Variants in ALDH7A1 observed in about 807,000 individuals in gnomAD.
ALDH7A1 encodes alpha-aminoadipic semialdehyde dehydrogenase.
Under a neutral mutation model 79.9 loss-of-function variants are expected in ALDH7A1, and 63 were observed. The observed-to-expected ratio is 0.79, with a 90% CI of 0.64 to 0.97. The LOEUF is 0.97. Ranked by LOEUF, ALDH7A1 falls within the 50% of genes least tolerant of loss-of-function variation. The pLI, the probability that ALDH7A1 is intolerant of heterozygous loss-of-function variation, is 0.00. For synonymous variants in ALDH7A1, 240 were observed against 231.2 expected (o/e 1.04, Z -0.34); for missense variants, 627 against 665.2 (o/e 0.94, Z 0.63).
chr5:126,551,884 C>T (rs751431156), intron 14 of ALDH7A1, 137 bp downstream of exon 14: 101 of 762,626 alleles, frequency 1.3e-4, no homozygotes, highest in Admixed American at 3.9e-4. Context: ...ATATTTTATC[C>T]TGAACCTTCA....
At chr5:126,580,008 T>G in intron 5 of ALDH7A1, 1 of 166,712 alleles carries the variant, frequency 6.0e-6, no homozygotes. Flanking sequence ...TTGTTAATTG[T>G]GAGGCAGGCA....
Position 126,568,438 on chromosome 5 carries a change from GCCCTTGAAAAAGCAGT to G in ALDH7A1, c.774-98_774-83del. 4.2e-6 allele frequency: 5 copies of G among 1,185,378 alleles called. No homozygotes were observed. In the Admixed American group the frequency reaches 8.5e-5, roughly 20 times the overall value. 73.4% of individuals were successfully genotyped at this position (1,185,378 alleles called of 1,614,324 possible). A position where few individuals can be genotyped will look rare whatever the true frequency, so the allele number is the denominator to read the frequency against. ...ATCTAATGGTACCCAGCACTGAAGTGCCCTTGAAAAAGCAGTCCCTTGAAGCTACAAGAAAGTCTGT... is the reference window on the plus strand; with the variant it reads ...ATCTAATGGTACCCAGCACTGAAGTGCCCTTGAAGCTACAAGAAAGTCTGT... On this transcript the variant is annotated intron_variant, in intron 8 of 17. Transcript: ENST00000409134.
In ALDH7A1 at chr5:126,575,464, CCTT is replaced by C. The variant is rs1337742915; in HGVS notation, c.651-3_651-1del. On this transcript the variant is annotated splice_acceptor_variant and splice_polypyrimidine_tract_variant and intron_variant, in intron 6 of 17. Coordinates refer to ENST00000409134, the MANE Select transcript of ALDH7A1 (RefSeq NM_001182.5). LOFTEE classifies it high-confidence loss of function. Reference sequence around the variant, plus strand: ...TGAGGGAAGTGGTTGGAGCTCCTTTCCTTAAGAAGGTTAAAACAAAAAAAGAAA... The same window carrying C: ...TGAGGGAAGTGGTTGGAGCTCCTTTCAAGAAGGTTAAAACAAAAAAAGAAA... The C allele has an allele frequency of 1.6e-5, 26 of 1,611,858 alleles. No homozygotes were observed. The highest frequency in any genetic ancestry group is 2.1e-5 in the Non-Finnish European group (25 of 1,179,328).
chr5:126,585,707 G>A (rs573165713), intron 3 of ALDH7A1, among the ~76,000 whole-genome samples: 8 of 152,090 alleles, frequency 5.3e-5, no homozygotes, highest in South Asian at 2.1e-4. Context: ...CATTACAGGC[G>A]CCTGCCACCA....
chr5:126,580,898 C>T (rs1229637512), intron 5 of ALDH7A1, among the ~76,000 whole-genome samples: 2 of 151,778 alleles, frequency 1.3e-5, no homozygotes, highest in East Asian at 3.9e-4. Context: ...GATCTCGGCT[C>T]ACCGCCACCT....
chr5:126,562,164 C>T (rs531976387), intron 9 of ALDH7A1: 2 of 151,890 alleles, frequency 1.3e-5, no homozygotes, highest in South Asian at 4.2e-4. Flanking sequence ...TGTGGTATAA[C>T]AATACAGTGA....
chr5:126,577,007 G>A (rs948073695), intron 6 of ALDH7A1, 72 bp downstream of exon 6: 4 of 1,591,494 alleles, frequency 2.5e-6, no homozygotes, highest in Non-Finnish European at 3.4e-6. Flanking sequence ...TACTGAAGAG[G>A]CTGAGGTAGT....
At chr5:126,566,480 C>A (rs965579588) in intron 9 of ALDH7A1, among the ~76,000 whole-genome samples, 1 of 152,016 alleles carries the variant, frequency 6.6e-6, no homozygotes, top group African/African-American at 2.4e-5. Context: ...TAATAAATTC[C>A]TTTTTAAAAG....
At chr5:126,585,850 T>A (rs1751343877) in intron 3 of ALDH7A1, among the ~76,000 whole-genome samples, 1 of 152,068 alleles carries the variant, frequency 6.6e-6, no homozygotes, top group Admixed American at 6.6e-5. Flanking sequence ...GGCATGACAT[T>A]CCTACCCTTT....
At chr5:126,594,976 G>T in intron 1 of ALDH7A1, 31 bp downstream of exon 1, 1 of 1,564,030 alleles carries the variant, frequency 6.4e-7, no homozygotes, top group Admixed American at 1.9e-5. Context: ...GAGCCCCGGC[G>T]GCTGCAGAGA....
In ALDH7A1 at chr5:126,575,481, CAAAA is replaced by C; in HGVS notation, c.651-21_651-18del. On this transcript the variant is annotated intron_variant, in intron 6 of 17. Transcript: ENST00000409134. ...GCTCCTTTCCTTAAGAAGGTTAAAA[CAAAA>C]AAAGAAAAAGAAAAACTTATTTGAC... The C allele has an allele frequency of 1.9e-6, 3 of 1,604,812 alleles. No homozygotes were observed. Among genetic ancestry groups the C allele is most frequent in the Non-Finnish European group, 2.5e-6 (3 of 1,176,506 alleles).
rs1289596944 is a variant in ALDH7A1 at position 126,555,967 on chromosome 5, C to A, written c.1057G>T (p.Ala353Ser). Residue 353 changes from alanine to serine, a missense_variant, in exon 12 of 18, where the codon GCC becomes TCC. By Grantham distance (99) the Ala-to-Ser change is moderately conservative (BLOSUM62 1). Transcript: ENST00000409134. ...TTCCCAACTCGGATCTGTGCATAGG[C>A]CTTTTTAAGTCTGTTTACAACCTCA... ...HDEVVNRLKKAYAQIRVGNPW... is the reference protein window; with the variant it reads ...HDEVVNRLKKSYAQIRVGNPW... 1.2e-6 allele frequency: 2 copies of A among 1,613,486 alleles called. No individual in the cohort carries two copies. The highest frequency in any genetic ancestry group is 1.7e-6 in the Non-Finnish European group (2 of 1,179,666).
At chr5:126,580,411 A>G (rs1751133931) in intron 5 of ALDH7A1, among the ~76,000 whole-genome samples, 1 of 152,006 alleles carries the variant, frequency 6.6e-6, no homozygotes, top group Admixed American at 6.6e-5. Flanking sequence ...AACTTTTCTT[A>G]GCTAGAAAAA....
rs752537865 is a variant in ALDH7A1, at chr5:126,595,046, G to A, written c.153C>T (p.Asn51=). 5 of 1,609,874 alleles carry A rather than the reference G, an allele frequency of 3.1e-6. No individual in the cohort carries two copies. In the Admixed American group the frequency reaches 8.4e-5, roughly 27 times the overall value. The change falls in exon 1 of 18, where the codon AAC becomes AAT. Residue 51 remains asparagine (N), a synonymous_variant. Coordinates refer to ENST00000409134, the MANE Select transcript of ALDH7A1 (RefSeq NM_001182.5). ...WLKELGLREE[N]EGVYNGSWGG... The stretch of plus-strand genomic sequence containing the variant: ...CCCAGCTTCCATTATACACGCCCTC[G>A]TTTTCCTCGCGGAGCCCCAGCTCTT...
At chr5:126,560,042 C>T (rs1335614472) in intron 10 of ALDH7A1, among the ~76,000 whole-genome samples, 1 of 152,046 alleles carries the variant, frequency 6.6e-6, no homozygotes, top group Non-Finnish European at 1.5e-5. Context: ...AGCAATCCTC[C>T]CACCTCAGCC....
intron 6 of ALDH7A1, 59 bp from the exon 7 acceptor site, chr5:126,575,523 T>C: frequency 4.1e-6 from 6 of 1,447,676 alleles, no homozygotes; most frequent in Non-Finnish European, 5.7e-6. Context: ...AAACCATAAA[T>C]ACCTTTTATT....
rs796052265 is a variant in ALDH7A1 at position 126,595,192 on chromosome 5, G to A, written c.7C>T (p.Arg3Cys). The change falls in exon 1 of 18, where the codon CGC (arginine) becomes TGC (cysteine). Residue 3 changes from arginine to cysteine, a missense_variant. Coordinates refer to ENST00000409134, the MANE Select transcript of ALDH7A1 (RefSeq NM_001182.5). MW[R>C]LPRALCVHAA... The stretch of plus-strand genomic sequence containing the variant: ...TGCACACACAGCGCGCGAGGAAGGC[G>A]CCACATACTGAGCCCGGGACTCGGG... The A allele has an allele frequency of 9.7e-6, 15 of 1,551,874 alleles. No individual in the cohort carries two copies. In the East Asian group the frequency reaches 2.0e-4, roughly 20 times the overall value.
chr5:126,578,730 T>C lies in ALDH7A1; in HGVS notation c.518-1519A>G, dbSNP rs1751068876. Reference sequence around the variant, plus strand: ...AACTTACAAACTTTAAAGTCACCCATAATCCTACAAGGTGTTTATTTTAAT... The same window carrying C: ...AACTTACAAACTTTAAAGTCACCCACAATCCTACAAGGTGTTTATTTTAAT... On this transcript the variant is annotated intron_variant, in intron 5 of 17. Coordinates refer to ENST00000409134, the MANE Select transcript of ALDH7A1 (RefSeq NM_001182.5). Among the ~76,000 whole-genome samples, 4 of 151,570 alleles carry C rather than the reference T, an allele frequency of 2.6e-5. No individual in the cohort carries two copies. The South Asian group carries it at 8.3e-4, about 32-fold the overall frequency.
At chr5:126,568,659 T>G (rs1750675961) in intron 8 of ALDH7A1, 13 of 382,882 alleles carry the variant, frequency 3.4e-5, no homozygotes, top group South Asian at 3.2e-4. Flanking sequence ...TCTTAGCATT[T>G]CCTTGCTGAG....
Sources: allele counts gnomAD v4.1 joint callset (sites outside exome capture counted in the v4.1 genomes callset), GRCh38; gene constraint gnomAD v4.1.1; transcripts MANE v1.5; gene names NCBI Gene and HGNC (gene_info 2026-07-23, HGNC 2026-07-21).